The following COTL1 variants were observed in gnomAD, a reference collection of about 807,000 sequenced individuals.
COTL1 encodes the protein coactosin-like protein.
In COTL1, 15 loss-of-function variants were observed where a neutral mutation model predicts 16.5. That is an observed-to-expected ratio of 0.91 (90% confidence interval 0.61 to 1.40). The LOEUF (loss-of-function observed/expected upper bound fraction) is 1.40, where lower values mean the gene tolerates loss of function less well. COTL1 is among the 40% of genes most tolerant of loss of function. The probability of loss-of-function intolerance (pLI) is 0.00; values close to 1 mark genes in which losing one functional copy is unlikely to be tolerated. For missense variants in COTL1, 220 were observed against 201.5 expected (o/e 1.09, Z -0.56); for synonymous variants, 112 against 85.3 (o/e 1.31, Z -1.73).
At chr16:84,611,958 G>A (rs1905338411) in intron 2 of COTL1, among the ~76,000 whole-genome samples, 1 of 152,070 alleles carries the variant, frequency 6.6e-6, no homozygotes, top group Admixed American at 6.5e-5. Context: ...GCTGAGCCCT[G>A]ATTGCTCCAG....
At position 84,617,923 on chromosome 16, in the gene COTL1, A is replaced by G. The variant is rs1181808539; in HGVS notation, c.-9T>C. 1.3e-6 allele frequency: 2 copies of G among 1,549,366 alleles called. No individual in the cohort carries two copies. Among genetic ancestry groups the G allele is most frequent in the African/African-American group, 1.4e-5 (1 of 72,902 alleles). Reference sequence around the variant, plus strand: ...TCGATCTTGGTGGCCATCGCCGCGGAGCCGCAGCGGGACACTGTCCGGGGC... The same window carrying G: ...TCGATCTTGGTGGCCATCGCCGCGGGGCCGCAGCGGGACACTGTCCGGGGC... On this transcript the variant is annotated 5_prime_UTR_variant, in exon 1 of 4. Transcript: ENST00000262428.
At chr16:84,605,246 G>A (rs7197058) in intron 2 of COTL1, among the ~76,000 whole-genome samples, 1 of 152,222 alleles carries the variant, frequency 6.6e-6, no homozygotes, top group Non-Finnish European at 1.5e-5. Context: ...CTGGGGTGCA[G>A]GGGGTGTCAG....
At chr16:84,600,502 G>A (rs189619068) in intron 2 of COTL1, among the ~76,000 whole-genome samples, 33 of 152,154 alleles carry the variant, frequency 2.2e-4, no homozygotes, top group East Asian at 3.9e-4. Context: ...TAGTACAGAC[G>A]GGCTTTCACC....
chr16:84,615,866 T>TGC (rs1905465614), intron 2 of COTL1: 2 of 151,348 alleles, frequency 1.3e-5, no homozygotes, highest in African/African-American at 4.9e-5. Flanking sequence ...TGTGTGTGTG[T>TGC]GTGTGTGTGT....
chr16:84,598,133 C>T (rs903571907), intron 2 of COTL1, among the ~76,000 whole-genome samples: 11 of 152,170 alleles, frequency 7.2e-5, no homozygotes, highest in South Asian at 2.1e-4. Flanking sequence ...GCCAATTGCA[C>T]GCTGGATGTC....
At chr16:84,594,487 C>G (rs1432125781) in intron 2 of COTL1, 1 of 152,280 alleles carries the variant, frequency 6.6e-6, no homozygotes, top group African/African-American at 2.4e-5. Context: ...CCCGTGGTGT[C>G]TGGGAAGCCA....
At chr16:84,573,757 A>ATC (rs1904386832) in intron 3 of COTL1, among the ~76,000 whole-genome samples, 2 of 97,226 alleles carry the variant, frequency 2.1e-5, no homozygotes, top group African/African-American at 7.5e-5. Flanking sequence ...AAAAAAATAT[A>ATC]TATATATACA....
chr16:84,599,781 C>T (rs1472774213), intron 2 of COTL1, among the ~76,000 whole-genome samples: 1 of 152,170 alleles, frequency 6.6e-6, no homozygotes, highest in Non-Finnish European at 1.5e-5. Flanking sequence ...AAACAACCCA[C>T]ACACCAAAAA....
rs2150700092 is a variant in COTL1, at chr16:84,617,577, A to T, written c.84T>A (p.Thr28=). 1 of 1,555,662 alleles carries T rather than the reference A, an allele frequency of 6.4e-7. No homozygotes were observed. Residue 28 remains threonine (T), a synonymous_variant, in exon 2 of 4, where the codon ACT becomes ACA. Transcript: ENST00000262428. ...RDDGSAVIWV[T]FKYDGSTIVP... ...CGATGGTGGAGCCGTCATATTTAAA[A>T]GTCACCCTTTGGGTTGGGAGAAGAA...
chr16:84,597,800 G>A (rs1023284455), intron 2 of COTL1, among the ~76,000 whole-genome samples: 3 of 152,242 alleles, frequency 2.0e-5, no homozygotes, highest in African/African-American at 7.2e-5. Context: ...TGCAGAGTCC[G>A]TGGTTCCTGA....
intron 2 of COTL1, among the ~76,000 whole-genome samples, chr16:84,604,883 A>G (rs1446841095): frequency 2.6e-5 from 4 of 152,234 alleles, no homozygotes; most frequent in Non-Finnish European, 4.4e-5. Flanking sequence ...TTTTATAAGC[A>G]GCGTAGAATT....
rs552881772 is a variant in COTL1, at chr16:84,590,670, C to T, written c.161-408G>A. On this transcript the variant is annotated intron_variant, in intron 2 of 3. Transcript: ENST00000262428. The surrounding 1 kb of genome is among the most constrained non-coding windows in gnomAD (Gnocchi z 5.5). The stretch of plus-strand genomic sequence containing the variant: ...ACAGATGTGGGTGCCGCCAGCAGTG[C>T]CAGGGCCCAGCCAAAAAAAATTTAA... Among the ~76,000 whole-genome samples the T allele has an allele frequency of 3.9e-5, 6 of 152,282 alleles. No individual in the cohort carries two copies. The South Asian group carries it at 8.3e-4, about 21-fold the overall frequency.
At chr16:84,580,857 C>A (rs929505203) in intron 3 of COTL1, among the ~76,000 whole-genome samples, 3 of 152,182 alleles carry the variant, frequency 2.0e-5, no homozygotes, top group Non-Finnish European at 4.4e-5. Flanking sequence ...AAATATATGA[C>A]ATGAGGCCAG....
intron 3 of COTL1, among the ~76,000 whole-genome samples, chr16:84,581,947 C>G (rs1467639299): frequency 6.7e-6 from 1 of 149,196 alleles, no homozygotes; most frequent in African/African-American, 2.5e-5. Flanking sequence ...TGGTAATACA[C>G]AAAGAGCCTA....
intron 2 of COTL1, among the ~76,000 whole-genome samples, chr16:84,615,263 C>T (rs1289597537): frequency 6.6e-6 from 1 of 152,248 alleles, no homozygotes; most frequent in Non-Finnish European, 1.5e-5. Context: ...AGGATCCACA[C>T]ACAGCAGGGA....
At chr16:84,581,777 T>C (rs1904600186) in intron 3 of COTL1, among the ~76,000 whole-genome samples, 1 of 152,080 alleles carries the variant, frequency 6.6e-6, no homozygotes, top group South Asian at 2.1e-4. Flanking sequence ...AGTGCTAGGA[T>C]TACAGGCATG....
intron 2 of COTL1, among the ~76,000 whole-genome samples, chr16:84,609,302 G>C (rs1428890246): frequency 2.6e-5 from 4 of 152,138 alleles, no homozygotes; most frequent in African/African-American, 7.2e-5. Context: ...TTTTCCGTAG[G>C]AACCACCTCT....
intron 2 of COTL1, among the ~76,000 whole-genome samples, chr16:84,606,827 C>T (rs1455114325): frequency 2.6e-5 from 4 of 152,220 alleles, no homozygotes; most frequent in African/African-American, 9.6e-5. Flanking sequence ...GGGATTCTGT[C>T]CCAGGTGCCC....
At chr16:84,598,063 G>C (rs983216686) in intron 2 of COTL1, among the ~76,000 whole-genome samples, 6 of 152,202 alleles carry the variant, frequency 3.9e-5, no homozygotes, top group African/African-American at 1.4e-4. Context: ...AGCAAGGTCA[G>C]GAGCCCCATC....
Sources: allele counts gnomAD v4.1 joint callset (sites outside exome capture counted in the v4.1 genomes callset), GRCh38; gene constraint gnomAD v4.1.1; non-coding constraint Gnocchi (gnomAD v3.1); transcripts MANE v1.5; gene names NCBI Gene and HGNC (gene_info 2026-07-23, HGNC 2026-07-21).